EPHA5: variants seen among roughly 807,000 people sequenced by gnomAD.
The protein encoded by EPHA5 is EPH receptor A5.
A neutral mutation model predicts 105.0 loss-of-function variants in EPHA5; 60 were observed. The ratio of observed to expected loss-of-function variants is 0.57; its 90% CI spans 0.46 to 0.71. The LOEUF (loss-of-function observed/expected upper bound fraction) is 0.71. Ranked by LOEUF, EPHA5 falls within the 30% of genes least tolerant of loss-of-function variation. The pLI, the probability that EPHA5 is intolerant of heterozygous loss-of-function variation, is 0.00. For missense variants in EPHA5, 1,218 were observed against 1,274.7 expected (o/e 0.96, Z 0.68); for synonymous variants, 513 against 449.1 (o/e 1.14, Z -1.80).
In EPHA5 at chr4:65,523,007, C is replaced by A. The variant is rs541858178; in HGVS notation, c.911-27464G>T. On this transcript the variant is annotated intron_variant, in intron 3 of 16. Coordinates refer to ENST00000613740, the MANE Select transcript of EPHA5 (RefSeq NM_001281766.3). Reference sequence around the variant, plus strand: ...GGTGAAAGGTACAAAGAAAAATCATCGTCAAATGGCTGCTAATATAGGATC... The same window carrying A: ...GGTGAAAGGTACAAAGAAAAATCATAGTCAAATGGCTGCTAATATAGGATC... Among the ~76,000 whole-genome samples the A allele has an allele frequency of 3.9e-5, 6 of 151,948 alleles. No individual in the cohort carries two copies. The South Asian group carries it at 1.2e-3, about 32-fold the overall frequency.
chr4:65,621,541 A>G (rs748844361), intron 2 of EPHA5, among the ~76,000 whole-genome samples: 7 of 152,204 alleles, frequency 4.6e-5, no homozygotes, highest in South Asian at 2.1e-4. Context: ...TTTACAATGT[A>G]TATAGTACTT....
chr4:65,645,495 T>C (rs992045345), intron 1 of EPHA5, among the ~76,000 whole-genome samples: 6 of 152,100 alleles, frequency 3.9e-5, no homozygotes, highest in Non-Finnish European at 8.8e-5. Flanking sequence ...AAACACAGCA[T>C]TCCTTGTAGA....
intron 3 of EPHA5, among the ~76,000 whole-genome samples, chr4:65,543,127 C>CAAA (rs1227627170): frequency 1.3e-5 from 2 of 151,968 alleles, no homozygotes; most frequent in Non-Finnish European, 2.9e-5. Context: ...ACTGAATAGG[C>CAAA]AAAAGCTGGA....
intron 5 of EPHA5, among the ~76,000 whole-genome samples, chr4:65,451,074 C>A (rs1727020826): frequency 6.6e-6 from 1 of 152,046 alleles, no homozygotes; most frequent in Admixed American, 6.5e-5. Flanking sequence ...TTACAAGCAC[C>A]CTAGAGACTG....
intron 14 of EPHA5, among the ~76,000 whole-genome samples, chr4:65,337,341 G>A (rs1437225823): frequency 1.3e-5 from 2 of 151,990 alleles, no homozygotes; most frequent in African/African-American, 2.4e-5. Context: ...CTGTAATTTC[G>A]TATCCCTTAA....
intron 5 of EPHA5, among the ~76,000 whole-genome samples, chr4:65,456,841 A>T (rs1727646576): frequency 6.6e-6 from 1 of 152,098 alleles, no homozygotes. Flanking sequence ...CAATCCATGG[A>T]AGTAAGTTGA....
chr4:65,359,388 A>T (rs1717043832), intron 11 of EPHA5, among the ~76,000 whole-genome samples: 1 of 151,630 alleles, frequency 6.6e-6, no homozygotes, highest in African/African-American at 2.4e-5. Context: ...TCATACTTCA[A>T]ACATTTTTCT....
intron 3 of EPHA5, among the ~76,000 whole-genome samples, chr4:65,525,356 T>A (rs1735130825): frequency 6.6e-6 from 1 of 151,830 alleles, no homozygotes; most frequent in South Asian, 2.1e-4. Context: ...CATGAAATGA[T>A]AACAAAATTT....
At chr4:65,654,351 C>T (rs1748880122) in intron 1 of EPHA5, among the ~76,000 whole-genome samples, 1 of 151,784 alleles carries the variant, frequency 6.6e-6, no homozygotes, top group Non-Finnish European at 1.5e-5. Context: ...GAAAGTCCAA[C>T]TTACTGCCTT....
At chr4:65,365,649 C>CTATATATATATATATATATA (rs57048004) in intron 10 of EPHA5, among the ~76,000 whole-genome samples, 2 of 64,874 alleles carry the variant, frequency 3.1e-5, no homozygotes, top group Admixed American at 1.9e-4. Flanking sequence ...TACAAATTCA[C>CTATATATATATATATATATA]TATATATATA....
At chr4:65,441,115 T>C (rs921132005) in intron 5 of EPHA5, among the ~76,000 whole-genome samples, 1 of 152,134 alleles carries the variant, frequency 6.6e-6, no homozygotes, top group African/African-American at 2.4e-5. Context: ...CCTGTCAATA[T>C]ACTATATTAA....
intron 5 of EPHA5, among the ~76,000 whole-genome samples, chr4:65,453,466 T>A (rs1560552279): frequency 6.6e-6 from 1 of 152,088 alleles, no homozygotes; most frequent in African/African-American, 2.4e-5. Flanking sequence ...GGAAAGACAG[T>A]CTCCCAATAA....
intron 3 of EPHA5, among the ~76,000 whole-genome samples, chr4:65,545,338 A>T (rs1337566907): frequency 6.6e-6 from 1 of 151,858 alleles, no homozygotes; most frequent in Admixed American, 6.6e-5. Flanking sequence ...CTCCAAACAG[A>T]TGGATTCTCC....
At chr4:65,526,135 A>T (rs918600139) in intron 3 of EPHA5, among the ~76,000 whole-genome samples, 1 of 151,924 alleles carries the variant, frequency 6.6e-6, no homozygotes, top group Non-Finnish European at 1.5e-5. Flanking sequence ...CATTTATCAA[A>T]TCAGATAAAT....
rs1719727638 is a variant in EPHA5, at chr4:65,383,104, A to C, written c.1794-15680T>G. On this transcript the variant is annotated intron_variant, in intron 8 of 16. Coordinates refer to ENST00000613740, the MANE Select transcript of EPHA5 (RefSeq NM_001281766.3). ...ATATGTAAAAATCTTATGCATAAAA[A>C]GTATTAAAAACATATATATCAGATA... Among the ~76,000 whole-genome samples the C allele has an allele frequency of 4.7e-5, 7 of 149,964 alleles. No individual in the cohort carries two copies. The South Asian group carries it at 1.5e-3, about 31-fold the overall frequency.
Position 65,320,642 on chromosome 4 carries a change from G to A in EPHA5, c.*3472C>T, listed in dbSNP as rs1347554773. ...CCCACTTTACATGGCATAAATAATG[G>A]TGTTAAAAATATTTTACTTTCACAT... On this transcript the variant is annotated 3_prime_UTR_variant, in exon 17 of 17. Transcript: ENST00000613740. 8.7e-6 allele frequency: 2 copies of A among 229,726 alleles called. No homozygotes were observed. Among genetic ancestry groups the A allele is most frequent in the South Asian group, 1.8e-4 (1 of 5,492 alleles). 14.2% of individuals were successfully genotyped at this position (229,726 alleles called of 1,614,324 possible).
intron 3 of EPHA5, among the ~76,000 whole-genome samples, chr4:65,584,412 C>G (rs558151597): frequency 4.4e-4 from 67 of 151,882 alleles, no homozygotes; most frequent in African/African-American, 1.6e-3. Flanking sequence ...TTCCAAAATT[C>G]TCTTGCACGA....
intron 3 of EPHA5, among the ~76,000 whole-genome samples, chr4:65,568,166 C>T (rs1739752963): frequency 1.3e-5 from 2 of 151,410 alleles, no homozygotes; most frequent in South Asian, 2.1e-4. Flanking sequence ...CAGATGACAA[C>T]TATATTTTTC....
At chr4:65,660,873 T>G (rs1749499070) in intron 1 of EPHA5, among the ~76,000 whole-genome samples, 1 of 152,104 alleles carries the variant, frequency 6.6e-6, no homozygotes, top group African/African-American at 2.4e-5. Context: ...GTAGAATATT[T>G]TTCTACTCCG....
Sources: allele counts gnomAD v4.1 joint callset (sites outside exome capture counted in the v4.1 genomes callset), GRCh38; gene constraint gnomAD v4.1.1; transcripts MANE v1.5; gene names NCBI Gene and HGNC (gene_info 2026-07-23, HGNC 2026-07-21).